Variants in PCDHA11 observed in about 807,000 individuals in gnomAD.
The protein encoded by PCDHA11 is protocadherin alpha 11.
In PCDHA11, 61 loss-of-function variants were observed where a neutral mutation model predicts 70.3. The ratio of observed to expected loss-of-function variants is 0.87; its 90% CI spans 0.71 to 1.07. The LOEUF (loss-of-function observed/expected upper bound fraction) is 1.07. Among genes scored for constraint, PCDHA11 ranks in the 50% least tolerant of loss-of-function variants. The pLI is 0.00. For synonymous variants in PCDHA11, 633 were observed against 555.1 expected, an observed-to-expected ratio of 1.14 and a Z score of -1.97; for missense variants, 1,324 against 1,237.5, an observed-to-expected ratio of 1.07 and a Z score of -1.05.
chr5:140,926,791 G>A, intron 1 of PCDHA11: 6 of 1,439,200 alleles, frequency 4.2e-6, no homozygotes, highest in East Asian at 2.5e-5. Context: ...GCCGGCAGGA[G>A]CGTGCTCTTC....
chr5:140,926,799 T>A, intron 1 of PCDHA11: 2 of 1,456,322 alleles, frequency 1.4e-6, no homozygotes, highest in Non-Finnish European at 1.8e-6. Flanking sequence ...GAGCGTGCTC[T>A]TCCCCGCGGC....
intron 1 of PCDHA11, chr5:140,966,502 G>GGCAGCA (rs2096011406): frequency 6.9e-6 from 3 of 433,776 alleles, no homozygotes; most frequent in Non-Finnish European, 1.2e-5. Context: ...GAGCTGTAGC[G>GGCAGCA]GCAGCAGCAG....
intron 1 of PCDHA11, among the ~76,000 whole-genome samples, chr5:140,885,388 A>G (rs1187514037): frequency 2.0e-5 from 3 of 152,166 alleles, no homozygotes; most frequent in Admixed American, 2.0e-4. Context: ...CAGTCCCTGC[A>G]AATCTAATGG....
chr5:140,982,153 C>T (rs990862287), intron 2 of PCDHA11, among the ~76,000 whole-genome samples: 1 of 152,162 alleles, frequency 6.6e-6, no homozygotes, highest in Non-Finnish European at 1.5e-5. Flanking sequence ...GCTTCAGTAT[C>T]GAGATGTTAA....
chr5:140,897,345 C>A (rs1291203410), intron 1 of PCDHA11, among the ~76,000 whole-genome samples: 2 of 126,562 alleles, frequency 1.6e-5, no homozygotes, highest in African/African-American at 6.0e-5. Flanking sequence ...CCCCCCACCC[C>A]ACAACTGTCC....
chr5:140,966,674 G>T, intron 1 of PCDHA11: 1 of 1,295,168 alleles, frequency 7.7e-7, no homozygotes, highest in Admixed American at 3.8e-5. Flanking sequence ...GGCGCAGGGT[G>T]GCACGAGCGG....
intron 1 of PCDHA11, among the ~76,000 whole-genome samples, chr5:140,933,677 T>G (rs1024721491): frequency 6.6e-6 from 1 of 151,826 alleles, no homozygotes; most frequent in African/African-American, 2.4e-5. Flanking sequence ...CTCTCTCACA[T>G]TTTTTTTCCT....
chr5:140,929,694 A>G, intron 1 of PCDHA11: 1 of 270,028 alleles, frequency 3.7e-6, no homozygotes, highest in Non-Finnish European at 7.3e-6. Flanking sequence ...AGTCTGCTTT[A>G]TATGAATATA....
At chr5:140,913,734 A>C (rs1408251545) in intron 1 of PCDHA11, among the ~76,000 whole-genome samples, 1 of 152,070 alleles carries the variant, frequency 6.6e-6, no homozygotes, top group African/African-American at 2.4e-5. Context: ...TCCCTCTAAT[A>C]GTACTCCTTT....
chr5:140,909,690 G>T (rs2074638063), intron 1 of PCDHA11, among the ~76,000 whole-genome samples: 1 of 152,280 alleles, frequency 6.6e-6, no homozygotes, highest in African/African-American at 2.4e-5. Context: ...CAATGTGGGG[G>T]TTCTGCTAGC....
intron 1 of PCDHA11, among the ~76,000 whole-genome samples, chr5:140,915,626 G>C (rs928151112): frequency 6.1e-5 from 9 of 146,436 alleles, no homozygotes; most frequent in East Asian, 4.1e-4. Flanking sequence ...GTCTCTTTCT[G>C]TCTCTCTCTC....
intron 1 of PCDHA11, among the ~76,000 whole-genome samples, chr5:140,908,279 G>T (rs2073895272): frequency 6.6e-6 from 1 of 151,782 alleles, no homozygotes; most frequent in South Asian, 2.1e-4. Flanking sequence ...TGAGGCCATT[G>T]TTGCAAGCTG....
At chr5:140,967,870 G>T in intron 1 of PCDHA11, 1 of 1,614,152 alleles carries the variant, frequency 6.2e-7, no homozygotes, top group Non-Finnish European at 8.5e-7. Flanking sequence ...TGGTGCTCAC[G>T]GACCTGTATA....
chr5:140,924,942 GT>G (rs1180985667), intron 1 of PCDHA11, among the ~76,000 whole-genome samples: 3 of 120,862 alleles, frequency 2.5e-5, no homozygotes, highest in African/African-American at 8.7e-5. Context: ...AAAATAAAAA[GT>G]TAAAAAAAAA....
chr5:140,908,967 G>C (rs1039870615), intron 1 of PCDHA11, among the ~76,000 whole-genome samples: 4 of 152,076 alleles, frequency 2.6e-5, no homozygotes, highest in Non-Finnish European at 5.9e-5. Context: ...ATCTTGATAG[G>C]CCCCACTCCA....
intron 3 of PCDHA11, among the ~76,000 whole-genome samples, chr5:140,990,685 C>T (rs1451672615): frequency 2.6e-5 from 4 of 152,252 alleles, no homozygotes; most frequent in South Asian, 4.1e-4. Context: ...AAGCTGCTTT[C>T]GGAGAGTCCA....
intron 1 of PCDHA11, among the ~76,000 whole-genome samples, chr5:140,931,749 G>A (rs368438680): frequency 2.0e-5 from 3 of 151,878 alleles, no homozygotes; most frequent in East Asian, 3.9e-4. Context: ...ATTCACAAAG[G>A]CATTTGTTAT....
chr5:140,928,036 G>T, intron 1 of PCDHA11: 1 of 1,614,158 alleles, frequency 6.2e-7, no homozygotes, highest in Non-Finnish European at 8.5e-7. Context: ...CATGTCTAGT[G>T]CAGGCCCTTT....
chr5:140,932,712 A>G (rs1025750078), intron 1 of PCDHA11, among the ~76,000 whole-genome samples: 4 of 151,972 alleles, frequency 2.6e-5, no homozygotes, highest in African/African-American at 9.6e-5. Context: ...AGACAACACA[A>G]TAATATTGTA....
Sources: gnomAD v4.1 joint callset for allele counts (sites outside exome capture counted in the v4.1 genomes callset) on GRCh38, gnomAD v4.1.1 for gene constraint, MANE v1.5 for transcripts, NCBI Gene and HGNC (gene_info 2026-07-23, HGNC 2026-07-21) for gene names.